Variants in GSAP observed in about 807,000 individuals in gnomAD.
GSAP encodes the protein gamma-secretase activating protein, also known as gamma-secretase-activating protein.
Under a neutral mutation model 131.7 loss-of-function variants are expected in GSAP, and 118 were observed. The ratio of observed to expected loss-of-function variants is 0.90; its 90% CI spans 0.77 to 1.04. The LOEUF (loss-of-function observed/expected upper bound fraction) is 1.04, where lower values mean the gene tolerates loss of function less well. Among genes scored for constraint, GSAP ranks in the 50% least tolerant of loss-of-function variants. GSAP has a pLI of 0.00. For synonymous variants in GSAP, 381 were observed against 363.4 expected, an observed-to-expected ratio of 1.05 and a Z score of -0.55; for missense variants, 1,019 against 1,013.2, an observed-to-expected ratio of 1.01 and a Z score of -0.08.
chr7:77,377,234 T>TTG (rs1331501615), intron 9 of GSAP, 52 bp downstream of exon 9: 2 of 985,458 alleles, frequency 2.0e-6, no homozygotes, highest in African/African-American at 5.8e-5. Flanking sequence ...ATTAATATTT[T>TTG]TGTAAAAAAA....
intron 3 of GSAP, among the ~76,000 whole-genome samples, chr7:77,401,559 T>G (rs1356731840): frequency 1.3e-5 from 2 of 151,976 alleles, no homozygotes; most frequent in African/African-American, 2.4e-5. Flanking sequence ...CTATGAAAAT[T>G]TGTCATCGGC....
At chr7:77,311,964 G>A (rs760012822) in intron 29 of GSAP, 24 bp from the exon 30 acceptor site, 7 of 1,369,092 alleles carry the variant, frequency 5.1e-6, no homozygotes, top group East Asian at 2.3e-5. Context: ...CACTTCTGGT[G>A]TAAGCTGATT....
intron 26 of GSAP, among the ~76,000 whole-genome samples, chr7:77,318,452 G>A (rs537247576): frequency 1.2e-3 from 186 of 152,276 alleles, no homozygotes; most frequent in African/African-American, 4.4e-3. Context: ...AACAAATGAT[G>A]AATGGATGAA....
chr7:77,321,909 A>G (rs1787698951), intron 24 of GSAP, among the ~76,000 whole-genome samples: 1 of 152,248 alleles, frequency 6.6e-6, no homozygotes, highest in Non-Finnish European at 1.5e-5. Context: ...CCTCATCTGT[A>G]AAGTGAGGGG....
chr7:77,311,648 T>A (rs1241430280), intron 30 of GSAP, 193 bp downstream of exon 30: 2 of 591,454 alleles, frequency 3.4e-6, no homozygotes, highest in Non-Finnish European at 6.0e-6. Context: ...CTTGACTCTT[T>A]TAAAACTTCA....
intron 6 of GSAP, among the ~76,000 whole-genome samples, chr7:77,385,996 T>C (rs1043952928): frequency 1.3e-5 from 2 of 152,230 alleles, no homozygotes; most frequent in Non-Finnish European, 2.9e-5. Flanking sequence ...TTATTTGCAG[T>C]AGTTATGTTC....
chr7:77,380,372 T>C (rs1162633898), intron 8 of GSAP, among the ~76,000 whole-genome samples: 1 of 152,226 alleles, frequency 6.6e-6, no homozygotes, highest in African/African-American at 2.4e-5. Context: ...ATTAAATGCA[T>C]GTACCCATCG....
intron 19 of GSAP, among the ~76,000 whole-genome samples, chr7:77,340,564 C>T (rs774345272): frequency 5.9e-5 from 9 of 152,228 alleles, no homozygotes; most frequent in South Asian, 2.1e-4. Context: ...ACCCTTCAAT[C>T]TCCCTGTCCT....
intron 22 of GSAP, chr7:77,326,582 T>C (rs1392632930): frequency 8.8e-6 from 2 of 227,080 alleles, no homozygotes; most frequent in South Asian, 2.1e-4. Flanking sequence ...CAGAGGGACT[T>C]GGGCCTTCTC....
chr7:77,378,520 C>CA (rs368804554), intron 8 of GSAP, among the ~76,000 whole-genome samples: 1,974 of 146,922 alleles, frequency 0.013, 40 homozygotes, highest in Admixed American at 0.048. Flanking sequence ...CAAAAAACAA[C>CA]AAAAAAAAAC....
At chr7:77,384,641 G>A (rs945278730) in intron 6 of GSAP, among the ~76,000 whole-genome samples, 1 of 152,044 alleles carries the variant, frequency 6.6e-6, no homozygotes, top group Non-Finnish European at 1.5e-5. Context: ...GTGCTGGAAG[G>A]AAACACTCAA....
chr7:77,326,394 A>T, intron 22 of GSAP, 121 bp from the exon 23 acceptor site: 1 of 657,352 alleles, frequency 1.5e-6, no homozygotes, highest in East Asian at 2.6e-5. Context: ...CACAGGATGA[A>T]AATTTTTCAT....
chr7:77,394,574 G>C (rs1800067652), intron 5 of GSAP, among the ~76,000 whole-genome samples: 1 of 152,146 alleles, frequency 6.6e-6, no homozygotes, highest in South Asian at 2.1e-4. Context: ...ATAACTCTAG[G>C]ATCACTCTAG....
chr7:77,367,715 T>C (rs915272827), intron 12 of GSAP, among the ~76,000 whole-genome samples: 1 of 152,242 alleles, frequency 6.6e-6, no homozygotes, highest in Non-Finnish European at 1.5e-5. Context: ...GCTGGCCTCA[T>C]AGAATGAACT....
At chr7:77,332,377 G>A (rs972454387) in intron 19 of GSAP, among the ~76,000 whole-genome samples, 2 of 152,038 alleles carry the variant, frequency 1.3e-5, no homozygotes, top group Admixed American at 1.3e-4. Context: ...TATATTTATG[G>A]GTTGCAATGT....
Position 77,365,878 on chromosome 7 carries a change from A to C in GSAP, c.872-3218T>G, listed in dbSNP as rs565790373. 2.0e-5 allele frequency among the ~76,000 whole-genome samples: 3 copies of C among 149,400 alleles called. No homozygotes were observed. The South Asian group carries it at 6.4e-4, about 32-fold the overall frequency. On this transcript the variant is annotated intron_variant, in intron 12 of 30. Coordinates refer to ENST00000257626, the MANE Select transcript of GSAP (RefSeq NM_017439.4). ...TGTATAAGTCTTCCCTTTTCTCTGCAACCTTGCCAGCAACTGTGGGTTTTT... is the reference window on the plus strand; with the variant it reads ...TGTATAAGTCTTCCCTTTTCTCTGCCACCTTGCCAGCAACTGTGGGTTTTT...
intron 12 of GSAP, among the ~76,000 whole-genome samples, chr7:77,362,961 A>G (rs1859573): frequency 0.32 from 48,841 of 152,116 alleles, 9,089 homozygotes; most frequent in African/African-American, 0.51. Context: ...AAGCTTCATG[A>G]GATTCTCCTA....
intron 6 of GSAP, among the ~76,000 whole-genome samples, 175 bp from the exon 7 acceptor site, chr7:77,382,818 A>T (rs1019846665): frequency 6.6e-6 from 1 of 152,206 alleles, no homozygotes; most frequent in Non-Finnish European, 1.5e-5. Context: ...GCAAGAAAAC[A>T]GAACACTTTC....
At chr7:77,366,063 G>C (rs1378660840) in intron 12 of GSAP, among the ~76,000 whole-genome samples, 1 of 151,880 alleles carries the variant, frequency 6.6e-6, no homozygotes, top group Non-Finnish European at 1.5e-5. Flanking sequence ...ATCTGTTCAT[G>C]TCCTTTGCCC....
Sources: gnomAD v4.1 joint callset for allele counts (sites outside exome capture counted in the v4.1 genomes callset) on GRCh38, gnomAD v4.1.1 for gene constraint, MANE v1.5 for transcripts, NCBI Gene and HGNC (gene_info 2026-07-23, HGNC 2026-07-21) for gene names.